The following MYO9A variants were observed in gnomAD, a reference collection of about 807,000 sequenced individuals.
The protein encoded by MYO9A is unconventional myosin-IXa.
MYO9A carries 103 observed loss-of-function variants against 293.3 expected under a neutral mutation model. The ratio of observed to expected loss-of-function variants is 0.35; its 90% CI spans 0.30 to 0.41. The LOEUF (loss-of-function observed/expected upper bound fraction) is 0.41, where lower values mean the gene tolerates loss of function less well. Among genes scored for constraint, MYO9A ranks in the 10% least tolerant of loss-of-function variants. The probability of loss-of-function intolerance (pLI) is 1.00; values close to 1 mark genes in which losing one functional copy is unlikely to be tolerated. For synonymous variants in MYO9A, 1,001 were observed against 1,035.7 expected, an observed-to-expected ratio of 0.97 and a Z score of 0.64; for missense variants, 2,685 against 3,033.0, an observed-to-expected ratio of 0.89 and a Z score of 2.69.
chr15:71,834,710 G>A (rs2054868600), intron 39 of MYO9A, among the ~76,000 whole-genome samples: 1 of 152,048 alleles, frequency 6.6e-6, no homozygotes, highest in Admixed American at 6.6e-5. Context: ...AGGCTGCAGT[G>A]AGCCAAGATC....
At chr15:71,966,023 T>G (rs898512504) in intron 13 of MYO9A, among the ~76,000 whole-genome samples, 3 of 151,982 alleles carry the variant, frequency 2.0e-5, no homozygotes, top group African/African-American at 7.2e-5. Context: ...ATTACAGGCG[T>G]GCACCACCAT....
chr15:71,941,500 C>CA (rs1171754501), intron 15 of MYO9A, among the ~76,000 whole-genome samples: 3 of 151,532 alleles, frequency 2.0e-5, no homozygotes, highest in Non-Finnish European at 4.4e-5. Context: ...TTCGAATTAG[C>CA]AAAAAAAGCA....
At chr15:71,841,559 C>T (rs1195796621) in intron 39 of MYO9A, among the ~76,000 whole-genome samples, 2 of 152,086 alleles carry the variant, frequency 1.3e-5, no homozygotes, top group Non-Finnish European at 2.9e-5. Flanking sequence ...AGGTTAAACC[C>T]TCCTTGGTCA....
chr15:71,930,930 C>T (rs1000282206), intron 18 of MYO9A, among the ~76,000 whole-genome samples: 1 of 152,154 alleles, frequency 6.6e-6, no homozygotes, highest in Non-Finnish European at 1.5e-5. Flanking sequence ...CTTACAAAAA[C>T]TAAACTTTCA....
intron 6 of MYO9A, among the ~76,000 whole-genome samples, chr15:72,015,306 A>C (rs1343320193): frequency 6.6e-6 from 1 of 152,196 alleles, no homozygotes; most frequent in African/African-American, 2.4e-5. Flanking sequence ...TGGCAGTAGG[A>C]ATCTTTATAC....
In MYO9A at chr15:71,941,585, G is replaced by T. The variant is rs186853321; in HGVS notation, c.2303-2658C>A. Among the ~76,000 whole-genome samples, 10 of 152,182 alleles carry T rather than the reference G, an allele frequency of 6.6e-5. No individual in the cohort carries two copies. In the East Asian group the frequency reaches 1.7e-3, roughly 26 times the overall value. On this transcript the variant is annotated intron_variant, in intron 15 of 41. Transcript: ENST00000356056. ...TAACTGGAGTTTCAGAAGGAAAAAA[G>T]AAATTGTAGCAGAAAAAATTTTTGA...
chr15:71,852,346 G>A, intron 35 of MYO9A, 86 bp from the exon 36 acceptor site: 1 of 1,228,394 alleles, frequency 8.1e-7, no homozygotes, highest in Non-Finnish European at 1.1e-6. Flanking sequence ...CATCATTAAA[G>A]GAAGGCTTCA....
rs1327101430 is a variant in MYO9A, at chr15:72,117,861, C to G, written c.-253G>C. On this transcript the variant is annotated 5_prime_UTR_variant, in exon 1 of 42. Coordinates refer to ENST00000356056, the MANE Select transcript of MYO9A (RefSeq NM_006901.4). ...CGGGCGAGCGGCCGCGGCGCATCCC[C>G]CGCCCTGTCAGAGAGACTCCGCCCG... The G allele has an allele frequency of 1.3e-5, 5 of 398,482 alleles. No homozygotes were observed. The Admixed American group carries it at 1.8e-4, about 14-fold the overall frequency. 24.7% of individuals were successfully genotyped at this position (398,482 alleles called of 1,614,324 possible).
intron 15 of MYO9A, among the ~76,000 whole-genome samples, chr15:71,946,692 G>A (rs1023778628): frequency 1.3e-5 from 2 of 152,254 alleles, no homozygotes; most frequent in Admixed American, 1.3e-4. Flanking sequence ...CAGTTCAGGT[G>A]CTTAACAGCC....
chr15:72,030,839 T>C (rs1167777851), intron 3 of MYO9A, among the ~76,000 whole-genome samples: 3 of 152,092 alleles, frequency 2.0e-5, no homozygotes, highest in Non-Finnish European at 2.9e-5. Flanking sequence ...TATACATACA[T>C]ACCTATGACA....
intron 1 of MYO9A, among the ~76,000 whole-genome samples, chr15:72,097,935 T>C (rs2080118493): frequency 1.3e-5 from 2 of 151,904 alleles, no homozygotes; most frequent in Non-Finnish European, 2.9e-5. Context: ...AATAAAAATT[T>C]TTTTAAAAAA....
chr15:72,043,273 A>AT (rs2078281031), intron 2 of MYO9A, among the ~76,000 whole-genome samples: 2 of 152,206 alleles, frequency 1.3e-5, no homozygotes, highest in South Asian at 4.1e-4. Context: ...CTGTACACTA[A>AT]TAACTATAAA....
chr15:71,852,085 T>C (rs2055672357), intron 36 of MYO9A, 47 bp downstream of exon 36: 1 of 1,548,996 alleles, frequency 6.5e-7, no homozygotes, highest in Non-Finnish European at 8.8e-7. Context: ...ATGGCATTTC[T>C]TTCCCAACTA....
rs1192272219 is a variant in MYO9A at position 71,878,226 on chromosome 15, A to C, written c.5745T>G (p.Asp1915Glu). 2 of 1,539,934 alleles carry C rather than the reference A, an allele frequency of 1.3e-6. No individual in the cohort carries two copies. Among genetic ancestry groups the C allele is most frequent in the Non-Finnish European group, 1.7e-6 (2 of 1,148,312 alleles). Reference sequence around the variant, plus strand: ...CTTTATACCGTATGCTTTTCCCATCATCCATCTATAAGCAATAAGAAAAGA... The same window carrying C: ...CTTTATACCGTATGCTTTTCCCATCCTCCATCTATAAGCAATAAGAAAAGA... ...FSFYSSALAM[D>E]DGKSIRYKDL... The change falls in exon 31 of 42, where the codon GAT (aspartate) becomes GAG (glutamate). Residue 1915 changes from aspartate (D) to glutamate (E), a missense_variant. By Grantham distance (45) the Asp-to-Glu change is conservative. Transcript: ENST00000356056.
chr15:72,025,429 C>G (rs979668573), intron 4 of MYO9A, among the ~76,000 whole-genome samples: 1 of 152,124 alleles, frequency 6.6e-6, no homozygotes, highest in Non-Finnish European at 1.5e-5. Flanking sequence ...GGCGAGACCT[C>G]GGCTCATTGC....
At chr15:71,892,884 C>A in intron 26 of MYO9A, 3 of 871,484 alleles carry the variant, frequency 3.4e-6, no homozygotes, top group Non-Finnish European at 4.6e-6. Flanking sequence ...TGGGAAGAAG[C>A]TGTGAAGGTT....
chr15:72,091,197 CAAA>C (rs34991002), intron 1 of MYO9A, among the ~76,000 whole-genome samples: 2 of 127,962 alleles, frequency 1.6e-5, no homozygotes. Context: ...AGATCTGTCT[CAAA>C]AAAAAAAAAA....
At chr15:72,100,737 T>C (rs1046992624) in intron 1 of MYO9A, among the ~76,000 whole-genome samples, 19 of 148,064 alleles carry the variant, frequency 1.3e-4, no homozygotes, top group African/African-American at 4.8e-4. Flanking sequence ...CCACCCCGTC[T>C]GAGAAGTGAG....
At chr15:72,026,275 G>GAAAAAAAAAAAA (rs35491673) in intron 4 of MYO9A, among the ~76,000 whole-genome samples, 4 of 63,476 alleles carry the variant, frequency 6.3e-5, no homozygotes, top group East Asian at 4.4e-4. Context: ...TCCGTCTCAA[G>GAAAAAAAAAAAA]AAAAAAAAAA....
Sources: allele counts gnomAD v4.1 joint callset (sites outside exome capture counted in the v4.1 genomes callset), GRCh38; gene constraint gnomAD v4.1.1; transcripts MANE v1.5; gene names NCBI Gene and HGNC (gene_info 2026-07-23, HGNC 2026-07-21).